COL23A1: variants seen among roughly 807,000 people sequenced by gnomAD.
The protein encoded by COL23A1 is collagen type XXIII alpha 1 chain, also known as collagen alpha-1(XXIII) chain.
Under a neutral mutation model 99.3 loss-of-function variants are expected in COL23A1, and 97 were observed. That is an observed-to-expected ratio of 0.98 (90% CI 0.83 to 1.16). The LOEUF (loss-of-function observed/expected upper bound fraction) is 1.16, where lower values mean the gene tolerates loss of function less well. COL23A1 is among the 50% of genes most tolerant of loss of function. COL23A1 has a pLI of 0.00. For synonymous variants in COL23A1, 320 were observed against 308.2 expected (o/e 1.04, Z -0.40); for missense variants, 762 against 757.4 (o/e 1.01, Z -0.07).
intron 2 of COL23A1, among the ~76,000 whole-genome samples, chr5:178,510,094 TG>T (rs1196579511): frequency 2.4e-4 from 36 of 152,328 alleles, no homozygotes; most frequent in Non-Finnish European, 3.8e-4. Flanking sequence ...CATGAGAAAA[TG>T]CTATGATTTA....
intron 1 of COL23A1, among the ~76,000 whole-genome samples, chr5:178,586,727 T>G (rs1368350003): frequency 6.6e-6 from 1 of 152,156 alleles, no homozygotes; most frequent in Non-Finnish European, 1.5e-5. Flanking sequence ...GAAACAAATG[T>G]AGCTATGATT....
chr5:178,458,953 A>G (rs1195692997), intron 2 of COL23A1, among the ~76,000 whole-genome samples: 1 of 152,202 alleles, frequency 6.6e-6, no homozygotes, highest in Non-Finnish European at 1.5e-5. Flanking sequence ...CCACAGGAAG[A>G]CAATCATCAA....
At chr5:178,537,129 G>A (rs1327030218) in intron 2 of COL23A1, among the ~76,000 whole-genome samples, 2 of 152,222 alleles carry the variant, frequency 1.3e-5, no homozygotes, top group African/African-American at 4.8e-5. Flanking sequence ...CATGGAAGGC[G>A]TAGAGGGAGG....
At chr5:178,560,448 C>T (rs760149234) in intron 2 of COL23A1, among the ~76,000 whole-genome samples, 2 of 152,214 alleles carry the variant, frequency 1.3e-5, no homozygotes, top group East Asian at 1.9e-4. Flanking sequence ...AAGTCATCTC[C>T]GACAATGTCT....
chr5:178,528,049 C>T (rs1054165025), intron 2 of COL23A1, among the ~76,000 whole-genome samples: 3 of 152,178 alleles, frequency 2.0e-5, no homozygotes, highest in Non-Finnish European at 2.9e-5. Context: ...TGGCAAATAC[C>T]GGGGCTTTTG....
Position 178,399,180 on chromosome 5 carries a change from G to T in COL23A1, c.362-92261C>A, listed in dbSNP as rs1764304810. Among the ~76,000 whole-genome samples, 2 of 152,200 alleles carry T rather than the reference G, an allele frequency of 1.3e-5. 1 individual carries two copies. Among genetic ancestry groups the T allele is most frequent in the South Asian group, 4.1e-4 (2 of 4,832 alleles). On this transcript the variant is annotated intron_variant, in intron 2 of 28. Coordinates refer to ENST00000390654, the MANE Select transcript of COL23A1 (RefSeq NM_173465.4). ...AGGAAAATCACTGACATGGAGTGTGGTGTTTCTGAGCAGGAGGTCAGCAGC... is the reference window on the plus strand; with the variant it reads ...AGGAAAATCACTGACATGGAGTGTGTTGTTTCTGAGCAGGAGGTCAGCAGC...
Position 178,366,116 on chromosome 5 carries a change from T to C in COL23A1, c.362-59197A>G, listed in dbSNP as rs1762462304. ...CTGGCCCAGCCCCATGGGGACCATC[T>C]GTTAAAGCTCCATCTACCCTACGAG... On this transcript the variant is annotated intron_variant, in intron 2 of 28. Transcript: ENST00000390654. The surrounding 1 kb of genome is among the most constrained non-coding windows in gnomAD (Gnocchi z 4.4). 6.6e-6 allele frequency among the ~76,000 whole-genome samples: 1 copy of C among 152,186 alleles called. No homozygotes were observed. Among genetic ancestry groups the C allele is most frequent in the African/African-American group, 2.4e-5 (1 of 41,446 alleles).
At chr5:178,527,814 G>A (rs1029010384) in intron 2 of COL23A1, among the ~76,000 whole-genome samples, 6 of 152,248 alleles carry the variant, frequency 3.9e-5, no homozygotes, top group African/African-American at 1.4e-4. Flanking sequence ...AGCCTGATGG[G>A]CTTGGCCCCA....
intron 2 of COL23A1, among the ~76,000 whole-genome samples, chr5:178,500,138 G>A (rs621117): frequency 0.065 from 9,888 of 152,082 alleles, 862 homozygotes; most frequent in African/African-American, 0.19. Flanking sequence ...AAAATAAAAC[G>A]AAGAGGCAGG....
Position 178,309,485 on chromosome 5 carries a change from C to A in COL23A1, c.362-2566G>T, listed in dbSNP as rs1368396263. On this transcript the variant is annotated intron_variant, in intron 2 of 28. Coordinates refer to ENST00000390654, the MANE Select transcript of COL23A1 (RefSeq NM_173465.4). The surrounding 1 kb of genome is among the most constrained non-coding windows in gnomAD (Gnocchi z 4.7). ...AGCTGGTCATGCACACTCCTGAGGG[C>A]TGATCCTAACCAGGCACGGTGCTGG... 2.6e-5 allele frequency among the ~76,000 whole-genome samples: 4 copies of A among 152,116 alleles called. No individual in the cohort carries two copies. The highest frequency in any genetic ancestry group is 9.7e-5 in the African/African-American group (4 of 41,424).
chr5:178,422,235 G>C (rs572232575), intron 2 of COL23A1, among the ~76,000 whole-genome samples: 5 of 152,164 alleles, frequency 3.3e-5, no homozygotes, highest in Non-Finnish European at 5.9e-5. Flanking sequence ...GGAACATGCT[G>C]TCTGAAGGGA....
chr5:178,576,899 G>C (rs1166031139), intron 1 of COL23A1, among the ~76,000 whole-genome samples: 1 of 151,786 alleles, frequency 6.6e-6, no homozygotes, highest in Non-Finnish European at 1.5e-5. Flanking sequence ...GACCAGGCGA[G>C]CAGCGCGGCG....
At chr5:178,566,450 C>T (rs1762845179) in intron 1 of COL23A1, among the ~76,000 whole-genome samples, 1 of 152,242 alleles carries the variant, frequency 6.6e-6, no homozygotes. Context: ...AGTTGTATGG[C>T]ATAACCTCAC....
At chr5:178,518,107 C>A (rs1295600472) in intron 2 of COL23A1, among the ~76,000 whole-genome samples, 26 of 132,188 alleles carry the variant, frequency 2.0e-4, no homozygotes, top group Non-Finnish European at 3.4e-4. Flanking sequence ...TCTTAAGGAG[C>A]ATGCTGCCTT....
chr5:178,447,851 C>T (rs182650309), intron 2 of COL23A1, among the ~76,000 whole-genome samples: 1 of 152,198 alleles, frequency 6.6e-6, no homozygotes, highest in African/African-American at 2.4e-5. Flanking sequence ...TGGCAGGGAC[C>T]TTTGGAATGT....
At chr5:178,372,933 T>TC (rs1489283045) in intron 2 of COL23A1, among the ~76,000 whole-genome samples, 1 of 57,156 alleles carries the variant, frequency 1.7e-5, no homozygotes, top group Non-Finnish European at 3.0e-5. Context: ...TTTCTTTCTT[T>TC]TTTTTTTTTT....
At chr5:178,382,739 G>C (rs959637685) in intron 2 of COL23A1, among the ~76,000 whole-genome samples, 3 of 152,224 alleles carry the variant, frequency 2.0e-5, no homozygotes, top group Non-Finnish European at 2.9e-5. Context: ...CCCAGGACTC[G>C]GGGGCACTGA....
At chr5:178,271,416 C>T (rs1449350656) in intron 5 of COL23A1, among the ~76,000 whole-genome samples, 1 of 152,228 alleles carries the variant, frequency 6.6e-6, no homozygotes, top group Non-Finnish European at 1.5e-5. Context: ...ATCTTCAGCT[C>T]AGTTACCTCC....
intron 3 of COL23A1, among the ~76,000 whole-genome samples, chr5:178,303,798 A>G (rs1360967185): frequency 1.3e-5 from 2 of 152,358 alleles, no homozygotes; most frequent in East Asian, 3.9e-4. Flanking sequence ...ACCTGCCCTG[A>G]GGAGCCCATG....
Sources: allele counts gnomAD v4.1 joint callset (sites outside exome capture counted in the v4.1 genomes callset), GRCh38; gene constraint gnomAD v4.1.1; non-coding constraint Gnocchi (gnomAD v3.1); transcripts MANE v1.5; gene names NCBI Gene and HGNC (gene_info 2026-07-23, HGNC 2026-07-21).